ENTREP2: variants seen among roughly 807,000 people sequenced by gnomAD.
The protein encoded by ENTREP2 is endosomal transmembrane epsin interactor 2.
the ENTREP2 span, among the ~76,000 whole-genome samples, chr15:29,272,206 GC>G: frequency 1.3e-5 from 2 of 152,158 alleles, no homozygotes; most frequent in African/African-American, 4.8e-5. Flanking sequence ...GAAGTTTTAG[GC>G]CCTGCATGGA....
chr15:29,580,342 G>A, the ENTREP2 span, among the ~76,000 whole-genome samples: 1 of 152,072 alleles, frequency 6.6e-6, no homozygotes, highest in African/African-American at 2.4e-5. Context: ...TCCTAATGAA[G>A]GTAATAATAA....
chr15:29,121,630 A>C, the ENTREP2 span: 1 of 152,214 alleles, frequency 6.6e-6, no homozygotes, highest in Non-Finnish European at 1.5e-5. Flanking sequence ...CCCCCACTTG[A>C]GGAAAATTAG....
chr15:29,188,494 G>A, the ENTREP2 span, among the ~76,000 whole-genome samples: 7 of 152,242 alleles, frequency 4.6e-5, no homozygotes, highest in East Asian at 9.7e-4. Context: ...CCACTTATGA[G>A]TAAGAACATA....
chr15:29,660,022 G>A, the ENTREP2 span, among the ~76,000 whole-genome samples: 2 of 152,070 alleles, frequency 1.3e-5, no homozygotes, highest in African/African-American at 2.4e-5. Flanking sequence ...GGCTGGTCTC[G>A]AACTACTGAG....
chr15:29,588,112 C>T, the ENTREP2 span, among the ~76,000 whole-genome samples: 1 of 152,138 alleles, frequency 6.6e-6, no homozygotes, highest in African/African-American at 2.4e-5. Context: ...TGAAACAAGA[C>T]ATGAAGGCCT....
chr15:29,123,489 C>T, the ENTREP2 span: 7 of 1,551,690 alleles, frequency 4.5e-6, no homozygotes, highest in Non-Finnish European at 6.1e-6. Context: ...CCACCAAAAC[C>T]CTGGCATCCG....
At chr15:29,448,671 A>C in the ENTREP2 span, among the ~76,000 whole-genome samples, 1 of 152,208 alleles carries the variant, frequency 6.6e-6, no homozygotes, top group South Asian at 2.1e-4. Flanking sequence ...AAATTTTTCA[A>C]ATCAATAATA....
chr15:29,348,419 G>A, the ENTREP2 span, among the ~76,000 whole-genome samples: 7 of 152,294 alleles, frequency 4.6e-5, no homozygotes, highest in South Asian at 1.2e-3. Context: ...CTGCAGCTAC[G>A]TGAGGAACAA....
the ENTREP2 span, among the ~76,000 whole-genome samples, chr15:29,598,222 T>C: frequency 2.3e-4 from 35 of 152,320 alleles, no homozygotes; most frequent in Admixed American, 3.9e-4. Flanking sequence ...TAAATGAACA[T>C]TCCTGTTGCT....
chr15:29,158,939 TGGA>T, the ENTREP2 span, among the ~76,000 whole-genome samples: 2 of 152,196 alleles, frequency 1.3e-5, no homozygotes, highest in Admixed American at 6.5e-5. Context: ...ACGTAAGTTA[TGGA>T]TATTAATAAT....
At chr15:29,223,359 T>G in the ENTREP2 span, among the ~76,000 whole-genome samples, 1 of 152,176 alleles carries the variant, frequency 6.6e-6, no homozygotes, top group Non-Finnish European at 1.5e-5. Flanking sequence ...CGGCAGCCTC[T>G]GGGATTCTGT....
At chr15:29,292,998 T>C in the ENTREP2 span, among the ~76,000 whole-genome samples, 1 of 152,358 alleles carries the variant, frequency 6.6e-6, no homozygotes, top group Admixed American at 6.5e-5. Flanking sequence ...CTACTACAGC[T>C]GTGTAGTTAC....
chr15:29,329,535 C>T, the ENTREP2 span, among the ~76,000 whole-genome samples: 53 of 152,230 alleles, frequency 3.5e-4, no homozygotes, highest in African/African-American at 1.2e-3. Flanking sequence ...AAAGGCCTCT[C>T]CCCCACCCAG....
chr15:29,655,462 CACA>C, the ENTREP2 span, among the ~76,000 whole-genome samples: 2 of 152,286 alleles, frequency 1.3e-5, no homozygotes, highest in East Asian at 1.9e-4. Context: ...TACTGTGTAA[CACA>C]ACATGTTTTG....
At chr15:29,345,574 C>T in the ENTREP2 span, among the ~76,000 whole-genome samples, 437 of 152,214 alleles carry the variant, frequency 2.9e-3, 1 homozygote, top group African/African-American at 0.01. Context: ...GGAACAAGGC[C>T]CCGCATGCCC....
chr15:29,347,352 T>C, the ENTREP2 span, among the ~76,000 whole-genome samples: 1 of 152,102 alleles, frequency 6.6e-6, no homozygotes. Flanking sequence ...TTATTTTTTA[T>C]AGAGACAAGG....
the ENTREP2 span, among the ~76,000 whole-genome samples, chr15:29,390,732 A>G: frequency 6.6e-6 from 1 of 152,360 alleles, no homozygotes; most frequent in South Asian, 2.1e-4. Flanking sequence ...CTTGTCCTCT[A>G]ACACTGAAAA....
At chr15:29,554,817 T>G in the ENTREP2 span, among the ~76,000 whole-genome samples, 1 of 152,156 alleles carries the variant, frequency 6.6e-6, no homozygotes, top group African/African-American at 2.4e-5. Context: ...TTGAAAAATC[T>G]ATTTCCATCT....
At chr15:29,654,787 T>G in the ENTREP2 span, among the ~76,000 whole-genome samples, 16 of 152,224 alleles carry the variant, frequency 1.1e-4, no homozygotes, top group Admixed American at 1.0e-3. Context: ...CCTTTGATTA[T>G]ACACTAGCAG....
Sources: allele counts gnomAD v4.1 joint callset (sites outside exome capture counted in the v4.1 genomes callset), GRCh38; gene constraint gnomAD v4.1.1; transcripts MANE v1.5; gene names NCBI Gene and HGNC (gene_info 2026-07-23, HGNC 2026-07-21).